The following ABR variants were observed in gnomAD, a reference collection of about 807,000 sequenced individuals.
The protein encoded by ABR is ABR activator of RhoGEF and GTPase, also known as active breakpoint cluster region-related protein.
A neutral mutation model predicts 107.2 loss-of-function variants in ABR; 35 were observed. The observed-to-expected ratio is 0.33, with a 90% CI of 0.25 to 0.43. ABR has a LOEUF of 0.43. Ranked by LOEUF, ABR falls within the 20% of genes least tolerant of loss-of-function variation. ABR has a pLI of 1.00. For missense variants in ABR, 815 were observed against 1,115.2 expected, an observed-to-expected ratio of 0.73 and a Z score of 3.83; for synonymous variants, 498 against 462.0, an observed-to-expected ratio of 1.08 and a Z score of -1.00.
Position 1,070,984 on chromosome 17 carries a change from G to A in ABR, c.895-894C>T, listed in dbSNP as rs1231678994. ...TTGAGACCAGCCTGGCCAACGTGGC[G>A]AAACCCCGTCTCTACTAAAAATACA... is the stretch of plus-strand genomic sequence containing the variant. On this transcript the variant is annotated intron_variant, in intron 8 of 22. Transcript: ENST00000302538. This position sits in a 1 kb window ranked among gnomAD's most constrained non-coding sequence, Gnocchi z 4.2. Among the ~76,000 whole-genome samples, 1 of 152,088 alleles carries A rather than the reference G, an allele frequency of 6.6e-6. No individual in the cohort carries two copies. The highest frequency in any genetic ancestry group is 1.5e-5 in the Non-Finnish European group (1 of 68,026).
chr17:1,093,091 G>T, intron 3 of ABR, among the ~76,000 whole-genome samples: 1 of 151,744 alleles, frequency 6.6e-6, no homozygotes, highest in Non-Finnish European at 1.5e-5. Flanking sequence ...AAAGTGCTGG[G>T]ATTACGGGCG....
chr17:1,083,654 G>A (rs761537232), intron 4 of ABR, 27 bp from the exon 5 acceptor site: 11 of 1,557,580 alleles, frequency 7.1e-6, no homozygotes, highest in Non-Finnish European at 8.9e-6. Flanking sequence ...GGGAACAGAG[G>A]GAGAGGAGGG....
At position 1,154,680 on chromosome 17, in the gene ABR, A is replaced by C; in HGVS notation, c.61+24987T>G. 6.8e-6 allele frequency: 1 copy of C among 146,244 alleles called. No individual in the cohort carries two copies. Among genetic ancestry groups the C allele is most frequent in the East Asian group, 2.2e-4 (1 of 4,578 alleles). The allele number at this position is 146,244 out of a possible 1,614,324, so 9.1% of individuals were successfully genotyped here. Reference sequence around the variant, plus strand: ...CGCCCACCCCCCACACACTGCGGACACAGGGAAGGAAGCCACAGGACAAGA... The same window carrying C: ...CGCCCACCCCCCACACACTGCGGACCCAGGGAAGGAAGCCACAGGACAAGA... On this transcript the variant is annotated intron_variant, in intron 1 of 22. Transcript: ENST00000302538. The surrounding 1 kb of genome is among the most constrained non-coding windows in gnomAD (Gnocchi z 4.0).
upstream of ABR, among the ~76,000 whole-genome samples, chr17:1,191,915 G>A (rs62087716): frequency 9.4e-3 from 1,438 of 152,242 alleles, 14 homozygotes; most frequent in Middle Eastern, 0.078. Context: ...GGGAAAGAGC[G>A]CTCGACCGAG....
At position 1,070,093 on chromosome 17, in the gene ABR, G is replaced by A; in HGVS notation, c.895-3C>T. 1.2e-6 allele frequency: 2 copies of A among 1,613,638 alleles called. No individual in the cohort carries two copies. The highest frequency in any genetic ancestry group is 1.7e-6 in the Non-Finnish European group (2 of 1,179,896). ...CCGTCCTTCACCAGCTGTCGCGTCT[G>A]AGGGAGATGGCAGACCCCCCAGCCT... On this transcript the variant is annotated splice_polypyrimidine_tract_variant and splice_region_variant and intron_variant, in intron 8 of 22. Transcript: ENST00000302538. This position sits in a 1 kb window ranked among gnomAD's most constrained non-coding sequence, Gnocchi z 4.2.
chr17:1,058,920 G>T, intron 10 of ABR, 53 bp from the exon 11 acceptor site: 1 of 1,608,012 alleles, frequency 6.2e-7, no homozygotes, highest in Non-Finnish European at 8.5e-7. Flanking sequence ...CCTTTCTCAC[G>T]AGCAGCACTA....
At chr17:1,183,962 G>A (rs1377705067), upstream of ABR, among the ~76,000 whole-genome samples, 2 of 152,200 alleles carry the variant, frequency 1.3e-5, no homozygotes, top group African/African-American at 4.8e-5. Context: ...TGTAATCCCA[G>A]CACTTTGGGA....
intron 21 of ABR, 148 bp from the exon 22 acceptor site, chr17:1,007,460 G>T: frequency 1.1e-6 from 1 of 923,496 alleles, no homozygotes; most frequent in Non-Finnish European, 1.6e-6. Flanking sequence ...GACCTCCCCC[G>T]GGGGAAGGGG....
At chr17:1,129,946 C>G (rs116576140) in intron 1 of ABR, among the ~76,000 whole-genome samples, 3 of 151,760 alleles carry the variant, frequency 2.0e-5, no homozygotes, top group Non-Finnish European at 2.9e-5. Context: ...GACTCTGTCT[C>G]GAAACAACCA....
chr17:1,009,969 C>G, intron 20 of ABR, 185 bp from the exon 21 acceptor site: 1 of 608,142 alleles, frequency 1.6e-6, no homozygotes, highest in Non-Finnish European at 2.9e-6. Flanking sequence ...CCAGGAGGCC[C>G]CACCACGACT....
At chr17:1,175,797 G>A (rs1367111853) in intron 1 of ABR, among the ~76,000 whole-genome samples, 8 of 152,106 alleles carry the variant, frequency 5.3e-5, no homozygotes, top group African/African-American at 1.9e-4. Context: ...CCAAAGGCAG[G>A]AAGTGTGTTC....
intron 16 of ABR, among the ~76,000 whole-genome samples, chr17:1,033,676 G>A (rs59974426): frequency 0.075 from 11,342 of 152,130 alleles, 801 homozygotes; most frequent in South Asian, 0.19. Context: ...CACGTCACAC[G>A]CACCCCTGGA....
At chr17:1,090,308 T>C (rs1217489540) in intron 4 of ABR, among the ~76,000 whole-genome samples, 1 of 151,894 alleles carries the variant, frequency 6.6e-6, no homozygotes, top group Non-Finnish European at 1.5e-5. Context: ...GAGCCATTCC[T>C]CGGAGCCTGA....
chr17:1,067,974 C>T (rs1167529502), intron 9 of ABR, among the ~76,000 whole-genome samples: 1 of 151,856 alleles, frequency 6.6e-6, no homozygotes, highest in East Asian at 1.9e-4. Context: ...GCTCTTGTTC[C>T]CAGGCTGGAG....
intron 1 of ABR, among the ~76,000 whole-genome samples, chr17:1,221,516 C>T (rs1349597593): frequency 6.6e-6 from 1 of 152,192 alleles, no homozygotes; most frequent in African/African-American, 2.4e-5. Flanking sequence ...CGCTGGAATT[C>T]TGTTACATGT....
upstream of ABR, among the ~76,000 whole-genome samples, chr17:1,184,081 G>C (rs541856798): frequency 6.6e-6 from 1 of 151,906 alleles, no homozygotes; most frequent in South Asian, 2.1e-4. Context: ...CGTGGTGCAT[G>C]TGCCTGTAAT....
chr17:1,188,216 A>T (rs941969550), upstream of ABR, among the ~76,000 whole-genome samples: 9 of 152,054 alleles, frequency 5.9e-5, 1 homozygote, highest in African/African-American at 2.2e-4. Flanking sequence ...TCAAAAAAAC[A>T]AATAAGTAAA....
At chr17:1,163,448 C>T (rs1005214040) in intron 1 of ABR, among the ~76,000 whole-genome samples, 1 of 152,154 alleles carries the variant, frequency 6.6e-6, no homozygotes, top group Non-Finnish European at 1.5e-5. Flanking sequence ...CAGGTGGGAC[C>T]CTGGCGAAGT....
chr17:1,218,522 T>A (rs1013922078), intron 1 of ABR, among the ~76,000 whole-genome samples: 1 of 152,212 alleles, frequency 6.6e-6, no homozygotes, highest in African/African-American at 2.4e-5. Context: ...CAATCCTGGC[T>A]CTGTCCTTTG....
Sources: gnomAD v4.1 joint callset for allele counts (sites outside exome capture counted in the v4.1 genomes callset) on GRCh38, gnomAD v4.1.1 for gene constraint, Gnocchi (gnomAD v3.1) non-coding constraint, MANE v1.5 for transcripts, NCBI Gene and HGNC (gene_info 2026-07-23, HGNC 2026-07-21) for gene names.